The following SGCD variants were observed in gnomAD, a reference collection of about 807,000 sequenced individuals.
SGCD encodes sarcoglycan delta.
In SGCD, 18 loss-of-function variants were observed where a neutral mutation model predicts 36.6. The ratio of observed to expected loss-of-function variants is 0.49; its 90% CI spans 0.34 to 0.73. The LOEUF (loss-of-function observed/expected upper bound fraction) is 0.73, where lower values mean the gene tolerates loss of function less well. SGCD is among the 30% of genes least tolerant of loss of function. SGCD has a pLI of 0.01. For missense variants in SGCD, 387 were observed against 346.7 expected (o/e 1.12, Z -0.92); for synonymous variants, 133 against 130.6 (o/e 1.02, Z -0.12).
At chr5:156,049,783 A>G (rs577430775) in intron 1 of SGCD, among the ~76,000 whole-genome samples, 2 of 146,568 alleles carry the variant, frequency 1.4e-5, no homozygotes, top group Admixed American at 6.8e-5. Context: ...GACTTGGGAA[A>G]AAGTTGATTC....
chr5:156,554,027 A>G (rs1758901258), intron 4 of SGCD, among the ~76,000 whole-genome samples: 1 of 152,208 alleles, frequency 6.6e-6, no homozygotes, highest in South Asian at 2.1e-4. Flanking sequence ...ACTCATGGTC[A>G]GCAGAGGTCT....
the SGCD span, among the ~76,000 whole-genome samples, chr5:155,755,548 C>T: frequency 7.2e-5 from 11 of 152,252 alleles, no homozygotes; most frequent in East Asian, 1.9e-3. Context: ...CTCTCTAGTG[C>T]ATAGTGATGG....
At chr5:155,731,440 C>T in the SGCD span, among the ~76,000 whole-genome samples, 1 of 152,108 alleles carries the variant, frequency 6.6e-6, no homozygotes, top group South Asian at 2.1e-4. Context: ...AACCATGCTG[C>T]CATTCTAAGG....
At chr5:156,713,258 T>C (rs1168789579) in intron 7 of SGCD, among the ~76,000 whole-genome samples, 1 of 152,182 alleles carries the variant, frequency 6.6e-6, no homozygotes, top group Non-Finnish European at 1.5e-5. Flanking sequence ...AATAGACCAG[T>C]TAACAGGAAA....
At chr5:155,730,524 T>G in the SGCD span, among the ~76,000 whole-genome samples, 1 of 149,136 alleles carries the variant, frequency 6.7e-6, no homozygotes, top group East Asian at 2.0e-4. Flanking sequence ...CCTACATACA[T>G]AGTAGGCACT....
chr5:156,200,741 T>C (rs1261194952), intron 3 of SGCD, among the ~76,000 whole-genome samples: 1 of 152,174 alleles, frequency 6.6e-6, no homozygotes, highest in Non-Finnish European at 1.5e-5. Flanking sequence ...CTTCTGAGTA[T>C]ATATCGCAAA....
intron 4 of SGCD, among the ~76,000 whole-genome samples, chr5:156,514,999 C>A (rs1300983506): frequency 6.6e-6 from 1 of 152,152 alleles, no homozygotes; most frequent in Admixed American, 6.5e-5. Flanking sequence ...GTCCAGATTT[C>A]ATCCGATGTT....
At chr5:156,136,305 G>A (rs1762454776) in intron 3 of SGCD, among the ~76,000 whole-genome samples, 1 of 152,174 alleles carries the variant, frequency 6.6e-6, no homozygotes, top group African/African-American at 2.4e-5. Flanking sequence ...TAGAGGCAGG[G>A]ACTTGCCAAA....
the SGCD span, among the ~76,000 whole-genome samples, chr5:155,752,499 T>C: frequency 6.6e-6 from 1 of 152,184 alleles, no homozygotes; most frequent in Non-Finnish European, 1.5e-5. Context: ...GTTTATTCTG[T>C]ACCTAGTTGG....
intron 7 of SGCD, among the ~76,000 whole-genome samples, chr5:156,698,030 G>A (rs1190827540): frequency 6.6e-6 from 1 of 152,078 alleles, no homozygotes. Flanking sequence ...GTTTTCTCTG[G>A]GCATAGTGGC....
intron 2 of SGCD, among the ~76,000 whole-genome samples, chr5:156,337,362 A>G (rs1174745917): frequency 6.6e-6 from 1 of 152,144 alleles, no homozygotes; most frequent in African/African-American, 2.4e-5. Context: ...GATTTGTATC[A>G]CTTGTCTTAT....
chr5:156,246,503 G>A (rs900195869), intron 3 of SGCD, among the ~76,000 whole-genome samples: 3 of 151,982 alleles, frequency 2.0e-5, no homozygotes, highest in African/African-American at 7.2e-5. Flanking sequence ...TGAGAAATTC[G>A]ATTTTTAATG....
chr5:156,120,225 G>C (rs1277396678), intron 2 of SGCD, among the ~76,000 whole-genome samples: 1 of 152,102 alleles, frequency 6.6e-6, no homozygotes, highest in Non-Finnish European at 1.5e-5. Context: ...TTTGTTGAAG[G>C]AGGGAAATAA....
At chr5:155,919,132 TA>T (rs1373006414) in intron 1 of SGCD, among the ~76,000 whole-genome samples, 2 of 152,196 alleles carry the variant, frequency 1.3e-5, no homozygotes, top group Non-Finnish European at 2.9e-5. Context: ...TCGAGAAAAC[TA>T]AAAATAACAT....
rs904137592 is a variant in SGCD, at chr5:156,052,781, A to G, written c.-281-65097A>G. Among the ~76,000 whole-genome samples, 17 of 146,108 alleles carry G rather than the reference A, an allele frequency of 1.2e-4. 1 individual carries two copies. The highest frequency in any genetic ancestry group is 5.8e-4 in the East Asian group (3 of 5,184). ...TGCTTTCTTCCATGTCTCTCTTGCC[A>G]TCTGTCATGATGGTGTTTTATTTGC... is the stretch of plus-strand genomic sequence containing the variant. On this transcript the variant is annotated intron_variant, in intron 1 of 9. Transcript: ENST00000517913.
intron 1 of SGCD, among the ~76,000 whole-genome samples, chr5:155,975,609 CTTTTTTTTTTTTTTTTTTT>C (rs763067309): frequency 9.6e-4 from 27 of 28,028 alleles, no homozygotes; most frequent in East Asian, 3.9e-3. Context: ...TCTTTCTTTC[CTTTTTTTTTTTTTTTTTTT>C]TTTTTTTTTT....
intron 4 of SGCD, among the ~76,000 whole-genome samples, chr5:156,512,313 A>T (rs573370618): frequency 1.7e-4 from 26 of 152,224 alleles, no homozygotes; most frequent in Admixed American, 1.4e-3. Flanking sequence ...TGATGGTCTC[A>T]TAAGATTATA....
rs1176220203 is a variant in SGCD, at chr5:156,281,897, T to C, written c.-43-47637T>C. Among the ~76,000 whole-genome samples, 6 of 152,064 alleles carry C rather than the reference T, an allele frequency of 3.9e-5. No homozygotes were observed. In the East Asian group the frequency reaches 1.2e-3, roughly 29 times the overall value. On this transcript the variant is annotated intron_variant, in intron 3 of 9. Transcript: ENST00000517913. ...ATAGTAACTCCAAGAGTTCCAAGCTTATATTTTCACAAAGCTAGTGATTTC... is the reference window on the plus strand; with the variant it reads ...ATAGTAACTCCAAGAGTTCCAAGCTCATATTTTCACAAAGCTAGTGATTTC...
intron 1 of SGCD, among the ~76,000 whole-genome samples, chr5:155,932,587 G>A (rs895742479): frequency 2.6e-5 from 4 of 152,262 alleles, no homozygotes; most frequent in East Asian, 1.9e-4. Flanking sequence ...AGCTATTGTT[G>A]TAACACAATT....
Sources: allele counts gnomAD v4.1 joint callset (sites outside exome capture counted in the v4.1 genomes callset), GRCh38; gene constraint gnomAD v4.1.1; transcripts MANE v1.5; gene names NCBI Gene and HGNC (gene_info 2026-07-23, HGNC 2026-07-21).